The following SEPTIN8 variants were observed in gnomAD, a reference collection of about 807,000 sequenced individuals.
SEPTIN8 encodes the protein septin-8.
A neutral mutation model predicts 53.1 loss-of-function variants in SEPTIN8; 22 were observed. The observed-to-expected ratio is 0.41, with a 90% CI of 0.30 to 0.59. The LOEUF is 0.59. SEPTIN8 is among the 20% of genes least tolerant of loss of function. The pLI is 0.24. For synonymous variants in SEPTIN8, 228 were observed against 248.4 expected, an observed-to-expected ratio of 0.92 and a Z score of 0.77; for missense variants, 536 against 638.7, an observed-to-expected ratio of 0.84 and a Z score of 1.73.
In SEPTIN8 at chr5:132,750,944, G is replaced by A; in HGVS notation, c.*1072C>T. On this transcript the variant is annotated 3_prime_UTR_variant, in exon 10 of 10. Coordinates refer to ENST00000378719, the MANE Select transcript of SEPTIN8 (RefSeq NM_001098811.2). ...GCTGAGGATGGAGCTGGCTATTCTG[G>A]ACAGACTGCACTGGGACCTCTATAT... The A allele has an allele frequency of 6.2e-7, 1 of 1,614,250 alleles. No homozygotes were observed. The highest frequency in any genetic ancestry group is 8.5e-7 in the Non-Finnish European group (1 of 1,180,044).
chr5:132,763,650 A>G (rs763771267), intron 4 of SEPTIN8, 56 bp downstream of exon 4: 3 of 1,536,594 alleles, frequency 2.0e-6, no homozygotes, highest in African/African-American at 1.4e-5. Flanking sequence ...CAGCCACCAC[A>G]TCGCATCGCA....
chr5:132,770,006 T>TATATATATATAC (rs1757043521), intron 1 of SEPTIN8, among the ~76,000 whole-genome samples: 1 of 67,712 alleles, frequency 1.5e-5, no homozygotes, highest in African/African-American at 4.9e-5. Flanking sequence ...TATATATATA[T>TATATATATATAC]ATATATATAT....
rs1028179053 is a variant in SEPTIN8 at position 132,763,784 on chromosome 5, A to G, written c.456T>C (p.Val152=). ...CTGTGGGCGTGATGAAGTAGAGGCA[A>G]ACGTGGATCCTTGTGTCATGGTAGT... The part of the protein sequence containing the change: ...LFDYHDTRIH[V]CLYFITPTGH... Residue 152 remains valine, a synonymous_variant, in exon 4 of 10, where the codon GTT becomes GTC. Coordinates refer to ENST00000378719, the MANE Select transcript of SEPTIN8 (RefSeq NM_001098811.2). 6.8e-6 allele frequency: 11 copies of G among 1,613,914 alleles called. No homozygotes were observed. Among genetic ancestry groups the G allele is most frequent in the African/African-American group, 1.3e-5 (1 of 74,924 alleles).
chr5:132,765,146 A>T (rs183558950), intron 2 of SEPTIN8, among the ~76,000 whole-genome samples: 1 of 152,046 alleles, frequency 6.6e-6, no homozygotes, highest in Admixed American at 6.5e-5. Flanking sequence ...ATGAACCTAA[A>T]TCTCTGTGAT....
intron 9 of SEPTIN8, chr5:132,758,657 C>A: frequency 1.3e-6 from 2 of 1,591,840 alleles, no homozygotes; most frequent in Admixed American, 1.8e-5. Flanking sequence ...CAGCCTGGGG[C>A]CAGGGTCGGT....
At chr5:132,753,080 C>G in intron 9 of SEPTIN8, 1 of 865,468 alleles carries the variant, frequency 1.2e-6, no homozygotes. Flanking sequence ...GAAGGTGGCT[C>G]TGGAAGAGCA....
Position 132,751,210 on chromosome 5 carries a change from A to G in SEPTIN8, c.*806T>C. The G allele has an allele frequency of 2.1e-6, 1 of 471,182 alleles. No individual in the cohort carries two copies. Among genetic ancestry groups the G allele is most frequent in the Non-Finnish European group, 3.7e-6 (1 of 273,598 alleles). 29.2% of individuals were successfully genotyped at this position (471,182 alleles called of 1,614,324 possible). ...CAGACTCCCACTTCTAAAGGACATT[A>G]AATTAACTTTACAAAGATTTTTAGA... On this transcript the variant is annotated 3_prime_UTR_variant, in exon 10 of 10. Coordinates refer to ENST00000378719, the MANE Select transcript of SEPTIN8 (RefSeq NM_001098811.2).
chr5:132,765,349 A>G (rs962330601), intron 2 of SEPTIN8, 60 bp downstream of exon 2: 207 of 1,588,986 alleles, frequency 1.3e-4, no homozygotes, highest in Middle Eastern at 9.3e-4. Flanking sequence ...GGCCAGAAGC[A>G]CCCCCTCTCC....
intron 9 of SEPTIN8, chr5:132,758,747 C>A: frequency 1.2e-6 from 2 of 1,613,666 alleles, no homozygotes; most frequent in South Asian, 2.2e-5. Flanking sequence ...GGAGAAGGGT[C>A]ACAAGGTGTA....
rs567507526 is a variant in SEPTIN8, at chr5:132,774,445, C to G, written c.30+2663G>C. Among the ~76,000 whole-genome samples, 34 of 152,288 alleles carry G rather than the reference C, an allele frequency of 2.2e-4. No individual in the cohort carries two copies. The South Asian group carries it at 6.6e-3, about 30-fold the overall frequency. ...TCAAGGTTCCAGTTAGGAGGAGGGG[C>G]ACAGCAAGAGTGGACAGGAATCTGG... On this transcript the variant is annotated intron_variant, in intron 1 of 9. Coordinates refer to ENST00000378719, the MANE Select transcript of SEPTIN8 (RefSeq NM_001098811.2).
At chr5:132,754,554 T>C (rs948448196) in intron 9 of SEPTIN8, 1 of 717,380 alleles carries the variant, frequency 1.4e-6, no homozygotes, top group Non-Finnish European at 2.6e-6. Context: ...ATGTGAGTCC[T>C]AGGACTGGGG....
Position 132,761,886 on chromosome 5 carries a change from G to A in SEPTIN8, c.707C>T (p.Pro236Leu). 1.3e-6 allele frequency: 2 copies of A among 1,593,958 alleles called. No individual in the cohort carries two copies. The highest frequency in any genetic ancestry group is 2.3e-5 in the South Asian group (2 of 87,708). ...EINAVMNAHL[P>L]FAVVGSTEEV... ...CTCGGTGCTGCCCACCACGGCAAAG[G>A]GCAGATGTGCCTGGAAAGGGGCCCG... The change falls in exon 6 of 10, where the codon CCC becomes CTC. Residue 236 changes from proline to leucine, a missense_variant. Transcript: ENST00000378719. The surrounding 1 kb of genome is among the most constrained non-coding windows in gnomAD (Gnocchi z 5.8).
Position 132,777,048 on chromosome 5 carries a change from G to A in SEPTIN8, c.30+60C>T, listed in dbSNP as rs964634002. 5 of 1,053,216 alleles carry A rather than the reference G, an allele frequency of 4.7e-6. No individual in the cohort carries two copies. Among genetic ancestry groups the A allele is most frequent in the African/African-American group, 3.4e-5 (2 of 59,236 alleles). The allele number at this position is 1,053,216 out of a possible 1,614,324, so 65.2% of individuals were successfully genotyped here. The stretch of plus-strand genomic sequence containing the variant: ...CGCTTCGCGCCCCCCGCCAGCTGCA[G>A]GGCGGCCCCTCCTGCGCCCCGCGCC... On this transcript the variant is annotated intron_variant, in intron 1 of 9. Transcript: ENST00000378719. This position sits in a 1 kb window ranked among gnomAD's most constrained non-coding sequence, Gnocchi z 4.1.
chr5:132,754,351 C>T (rs1755143165), intron 9 of SEPTIN8: 1 of 713,988 alleles, frequency 1.4e-6, no homozygotes, highest in Admixed American at 2.0e-5. Context: ...CCTCTGCCTC[C>T]TTCCTTCCAG....
At position 132,764,294 on chromosome 5, in the gene SEPTIN8, T is replaced by C. The variant is rs1437687860; in HGVS notation, c.277A>G (p.Ser93Gly). ...ATGGTCAGCTTGAGCTGCACGTTGC[T>C]CTCCTGGAGGTCATAGGTCTGGGGC... ...LRPQTYDLQE[S>G]NVQLKLTIVD... is the part of the protein sequence containing the mutation. The change falls in exon 3 of 10, where the codon AGC becomes GGC. Residue 93 changes from serine to glycine, a missense_variant. Physicochemically the swap from Ser to Gly is moderately conservative, Grantham distance 56. Coordinates refer to ENST00000378719, the MANE Select transcript of SEPTIN8 (RefSeq NM_001098811.2). 7 of 1,614,112 alleles carry C rather than the reference T, an allele frequency of 4.3e-6. No homozygotes were observed. Among genetic ancestry groups the C allele is most frequent in the Admixed American group, 1.7e-5 (1 of 60,014 alleles).
upstream of SEPTIN8, chr5:132,777,891 A>G: frequency 1.0e-6 from 1 of 985,502 alleles, no homozygotes; most frequent in Non-Finnish European, 1.2e-6. The surrounding 1 kb of genome is among the most constrained non-coding windows in gnomAD (Gnocchi z 4.1). Context: ...TTAGGCTGGG[A>G]TTCCTGCAAT....
At position 132,752,076 on chromosome 5, in the gene SEPTIN8, G is replaced by A. The variant is rs371030907; in HGVS notation, c.1392C>T (p.Pro464=). The change falls in exon 10 of 10, where the codon CCC becomes CCT. Residue 464 remains proline (P), a synonymous_variant. Transcript: ENST00000378719. ...VEPLNCSSWW[P]AIQCCSCLVR... is the part of the protein sequence containing the mutation. ...CCAGGCAGCTGCAGCACTGTATGGCGGGCCACCAGCTGCTGCAGTTCAAGG... is the reference window on the plus strand; with the variant it reads ...CCAGGCAGCTGCAGCACTGTATGGCAGGCCACCAGCTGCTGCAGTTCAAGG... 5.4e-5 allele frequency: 87 copies of A among 1,605,086 alleles called. No individual in the cohort carries two copies. The highest frequency in any genetic ancestry group is 7.2e-5 in the Non-Finnish European group (85 of 1,176,026).
At chr5:132,774,304 G>T in intron 1 of SEPTIN8, 1 of 164,002 alleles carries the variant, frequency 6.1e-6, no homozygotes. Flanking sequence ...CTCCCCCTCA[G>T]CTTCACTTTC....
intron 1 of SEPTIN8, among the ~76,000 whole-genome samples, chr5:132,774,521 C>T (rs569998225): frequency 6.6e-6 from 1 of 152,338 alleles, no homozygotes; most frequent in South Asian, 2.1e-4. Context: ...GGCTGCTCCA[C>T]ACACCCACAC....
Sources: allele counts gnomAD v4.1 joint callset (sites outside exome capture counted in the v4.1 genomes callset), GRCh38; gene constraint gnomAD v4.1.1; non-coding constraint Gnocchi (gnomAD v3.1); transcripts MANE v1.5; gene names NCBI Gene and HGNC (gene_info 2026-07-23, HGNC 2026-07-21).